GOLM1: variants seen among roughly 807,000 people sequenced by gnomAD.
GOLM1 encodes the protein epididymis luminal protein 46.
A neutral mutation model predicts 50.5 loss-of-function variants in GOLM1; 31 were observed. The ratio of observed to expected loss-of-function variants is 0.61; its 90% CI spans 0.46 to 0.83. The LOEUF is 0.83. Ranked by LOEUF, GOLM1 falls within the 40% of genes least tolerant of loss-of-function variation. GOLM1 has a pLI of 0.00. For synonymous variants in GOLM1, 178 were observed against 192.8 expected, an observed-to-expected ratio of 0.92 and a Z score of 0.64; for missense variants, 491 against 501.3, an observed-to-expected ratio of 0.98 and a Z score of 0.20.
At chr9:86,086,184 T>C (rs1262733426) in intron 1 of GOLM1, among the ~76,000 whole-genome samples, 1 of 152,256 alleles carries the variant, frequency 6.6e-6, no homozygotes, top group Non-Finnish European at 1.5e-5. Flanking sequence ...TGAGATGGTA[T>C]CTCATTATGG....
chr9:86,026,996 A>G lies in GOLM1; in HGVS notation c.*821T>C, dbSNP rs1037039649. ...GCCCTCTCATGCCTTGCCTCTCACCATGCTCTGCTCCAGGTCAGCCCCCTT... is the reference window on the plus strand; with the variant it reads ...GCCCTCTCATGCCTTGCCTCTCACCGTGCTCTGCTCCAGGTCAGCCCCCTT... On this transcript the variant is annotated 3_prime_UTR_variant, in exon 10 of 10. Transcript: ENST00000388712. The G allele has an allele frequency of 7.1e-6, 7 of 985,226 alleles. No homozygotes were observed. The highest frequency in any genetic ancestry group is 7.0e-5 in the African/African-American group (4 of 57,214). 61.0% of individuals were successfully genotyped at this position (985,226 alleles called of 1,614,324 possible).
chr9:86,052,549 G>A lies in GOLM1; in HGVS notation c.352C>T (p.Arg118Ter), dbSNP rs375787584. 12 of 1,613,702 alleles carry A rather than the reference G, an allele frequency of 7.4e-6. No homozygotes were observed. The highest frequency in any genetic ancestry group is 9.3e-6 in the Non-Finnish European group (11 of 1,179,662). The change falls in exon 4 of 10, where the codon CGA becomes TGA. Residue 118 changes from arginine to a stop codon, truncating the protein, a stop_gained. Transcript: ENST00000388712. LOFTEE classifies it high-confidence loss of function. Reference protein sequence around the residue: ...NNITTGERLIRVLQDQLKTLQ... With the variant: ...NNITTGERLI ...GAGCGGAACTTACCTTGCAGCACTC[G>A]GATGAGCCTCTCACCTGTGGTGATG...
chr9:86,098,992 C>G (rs1273298764), intron 1 of GOLM1, among the ~76,000 whole-genome samples: 1 of 152,220 alleles, frequency 6.6e-6, no homozygotes, highest in South Asian at 2.1e-4. Context: ...GCCAGCCTCC[C>G]GCGCCTGGTG....
intron 1 of GOLM1, among the ~76,000 whole-genome samples, chr9:86,082,306 A>G (rs11141216): frequency 0.04 from 6,124 of 151,244 alleles, 353 homozygotes; most frequent in East Asian, 0.3. Context: ...GATTACAGGC[A>G]TGAGCCACCG....
intron 1 of GOLM1, among the ~76,000 whole-genome samples, chr9:86,093,140 G>A (rs892209698): frequency 9.2e-5 from 14 of 152,140 alleles, no homozygotes; most frequent in Admixed American, 5.2e-4. Flanking sequence ...CAGCACTTTG[G>A]GAGGCCAAGG....
chr9:86,091,777 G>A (rs1835192804), intron 1 of GOLM1, among the ~76,000 whole-genome samples: 2 of 152,194 alleles, frequency 1.3e-5, no homozygotes, highest in South Asian at 4.1e-4. Context: ...TAAGTCAGTG[G>A]GTGGGGTATA....
chr9:86,033,269 G>C lies in GOLM1; in HGVS notation c.1129+13C>G. On this transcript the variant is annotated intron_variant, in intron 9 of 9. Coordinates refer to ENST00000388712, the MANE Select transcript of GOLM1 (RefSeq NM_016548.4). Reference sequence around the variant, plus strand: ...AAAGGTGACCTCGTCACCGATGTAGGCCCCATTCTTACCATCTATGTTTCT... The same window carrying C: ...AAAGGTGACCTCGTCACCGATGTAGCCCCCATTCTTACCATCTATGTTTCT... The C allele has an allele frequency of 7.1e-7, 1 of 1,400,432 alleles. No homozygotes were observed. The highest frequency in any genetic ancestry group is 1.2e-5 in the South Asian group (1 of 86,922). The allele number at this position is 1,400,432 out of a possible 1,614,324, so 86.8% of individuals were successfully genotyped here.
intron 3 of GOLM1, among the ~76,000 whole-genome samples, chr9:86,067,728 C>T (rs553376053): frequency 3.3e-4 from 51 of 152,298 alleles, no homozygotes; most frequent in East Asian, 2.5e-3. Context: ...GTTGGCCGGG[C>T]GCAGTGGCTC....
rs1833147063 is a variant in GOLM1 at position 86,036,391 on chromosome 9, G to A, written c.714C>T (p.Pro238=). The A allele has an allele frequency of 4.3e-6, 7 of 1,614,166 alleles. No homozygotes were observed. Among genetic ancestry groups the A allele is most frequent in the Non-Finnish European group, 5.9e-6 (7 of 1,179,982 alleles). Reference sequence around the variant, plus strand: ...TTGAATCCAAAACCACTTCGGAACTGGGGGCTGGTGTCTGGGACTTGCTGT... The same window carrying A: ...TTGAATCCAAAACCACTTCGGAACTAGGGGCTGGTGTCTGGGACTTGCTGT... ...LGNSKSQTPA[P]SSEVVLDSKR... Residue 238 remains proline, a synonymous_variant, in exon 7 of 10, where the codon CCC becomes CCT. Transcript: ENST00000388712.
At chr9:86,094,067 A>G (rs1835274264) in intron 1 of GOLM1, among the ~76,000 whole-genome samples, 1 of 152,172 alleles carries the variant, frequency 6.6e-6, no homozygotes, top group Non-Finnish European at 1.5e-5. Flanking sequence ...ATCAGTCACC[A>G]AGTTTTCTGA....
intron 9 of GOLM1, among the ~76,000 whole-genome samples, chr9:86,029,799 T>TA (rs1489624383): frequency 2.0e-5 from 3 of 152,216 alleles, no homozygotes; most frequent in Non-Finnish European, 4.4e-5. Context: ...CTTACCTACT[T>TA]ACTTTGTTTA....
rs746935932 is a variant in GOLM1, at chr9:86,026,536, G to A, written c.*1281C>T. 1.8e-5 allele frequency: 16 copies of A among 885,088 alleles called. No homozygotes were observed. The highest frequency in any genetic ancestry group is 2.2e-5 in the Non-Finnish European group (16 of 738,516). 54.8% of individuals were successfully genotyped at this position (885,088 alleles called of 1,614,324 possible). On this transcript the variant is annotated 3_prime_UTR_variant, in exon 10 of 10. Transcript: ENST00000388712. ...ACTTCTAGGCCCCATTTTCCCCTCT[G>A]AAAATAAGAGGGTTGGATCAAACGA... is the stretch of plus-strand genomic sequence containing the variant.
chr9:86,048,276 T>A (rs7862795), intron 4 of GOLM1, among the ~76,000 whole-genome samples: 25,969 of 151,940 alleles, frequency 0.17, 2,633 homozygotes, highest in African/African-American at 0.3. Flanking sequence ...TCTATCACTG[T>A]TGGACATTTG....
chr9:86,057,513 C>A (rs7862902), intron 3 of GOLM1, among the ~76,000 whole-genome samples: 8,235 of 152,004 alleles, frequency 0.054, 256 homozygotes, highest in South Asian at 0.099. Context: ...TCACCCGAGC[C>A]GGGGTGCAGC....
intron 3 of GOLM1, among the ~76,000 whole-genome samples, chr9:86,055,390 G>A (rs930454000): frequency 2.6e-5 from 4 of 152,254 alleles, no homozygotes; most frequent in African/African-American, 9.6e-5. Context: ...CTCGCTCTGC[G>A]TGAAAAGCGA....
At chr9:86,075,744 A>G (rs1402753673) in intron 3 of GOLM1, among the ~76,000 whole-genome samples, 2 of 152,310 alleles carry the variant, frequency 1.3e-5, no homozygotes, top group African/African-American at 2.4e-5. Context: ...GTGGAAACAG[A>G]TTCTCTTTTC....
At chr9:86,029,800 ACTTT>A (rs1182307295) in intron 9 of GOLM1, among the ~76,000 whole-genome samples, 5 of 152,312 alleles carry the variant, frequency 3.3e-5, no homozygotes, top group African/African-American at 9.6e-5. Context: ...TTACCTACTT[ACTTT>A]GTTTAAAACC....
chr9:86,071,003 C>T (rs1834432092), intron 3 of GOLM1, among the ~76,000 whole-genome samples: 1 of 152,046 alleles, frequency 6.6e-6, no homozygotes, highest in African/African-American at 2.4e-5. Flanking sequence ...TCTTTCCAGA[C>T]TCTTTTGACC....
chr9:86,056,147 A>G (rs1382877510), intron 3 of GOLM1, among the ~76,000 whole-genome samples: 2 of 152,138 alleles, frequency 1.3e-5, no homozygotes, highest in Non-Finnish European at 2.9e-5. Flanking sequence ...CTCCCGACCC[A>G]AATCACATTA....
Sources: allele counts gnomAD v4.1 joint callset (sites outside exome capture counted in the v4.1 genomes callset), GRCh38; gene constraint gnomAD v4.1.1; transcripts MANE v1.5; gene names NCBI Gene and HGNC (gene_info 2026-07-23, HGNC 2026-07-21).